The following WWOX variants were observed in gnomAD, a reference collection of about 807,000 sequenced individuals.
WWOX encodes WW domain containing oxidoreductase, also known as WW domain-containing oxidoreductase.
In WWOX, 69 loss-of-function variants were observed where a neutral mutation model predicts 46.2. The observed-to-expected ratio is 1.49, with a 90% confidence interval of 1.23 to 1.82. WWOX has a LOEUF of 1.82. Ranked by LOEUF, WWOX falls within the 40% of genes most tolerant of loss-of-function variation. WWOX has a pLI of 0.00. For missense variants in WWOX, 919 were observed against 542.6 expected (o/e 1.69, Z -6.89); for synonymous variants, 359 against 202.6 (o/e 1.77, Z -6.56).
At chr16:78,495,510 CTTTT>C (rs67618109) in intron 8 of WWOX, among the ~76,000 whole-genome samples, 7 of 42,554 alleles carry the variant, frequency 1.6e-4, no homozygotes, top group Admixed American at 3.5e-4. Flanking sequence ...AGAAAATGGT[CTTTT>C]TTTTTTTTTT....
At chr16:78,366,737 A>C (rs1300730761) in intron 5 of WWOX, among the ~76,000 whole-genome samples, 1 of 152,174 alleles carries the variant, frequency 6.6e-6, no homozygotes, top group South Asian at 2.1e-4. Flanking sequence ...GGCCCTTTAG[A>C]GAAAAGGTTT....
At chr16:78,708,674 C>T (rs1313209709) in intron 8 of WWOX, among the ~76,000 whole-genome samples, 1 of 152,172 alleles carries the variant, frequency 6.6e-6, no homozygotes, top group South Asian at 2.1e-4. Context: ...GATTAGAACC[C>T]AGTGAGTTCA....
intron 5 of WWOX, among the ~76,000 whole-genome samples, chr16:78,368,733 C>T (rs1451173366): frequency 3.9e-5 from 6 of 152,280 alleles, no homozygotes; most frequent in Middle Eastern, 3.4e-3. Flanking sequence ...CTTTGCAACA[C>T]GTGCAGTCTG....
At chr16:79,044,113 A>T (rs979097017) in intron 8 of WWOX, among the ~76,000 whole-genome samples, 2 of 152,218 alleles carry the variant, frequency 1.3e-5, no homozygotes, top group African/African-American at 2.4e-5. Flanking sequence ...ACTGAAATAT[A>T]AGCAAAAGAA....
intron 8 of WWOX, among the ~76,000 whole-genome samples, chr16:78,845,337 C>T (rs2052271035): frequency 6.6e-6 from 1 of 152,110 alleles, no homozygotes; most frequent in African/African-American, 2.4e-5. Context: ...TCCTATCTGT[C>T]TGCATGTAGA....
At chr16:78,618,862 G>A (rs150434812) in intron 8 of WWOX, among the ~76,000 whole-genome samples, 27 of 151,566 alleles carry the variant, frequency 1.8e-4, no homozygotes, top group African/African-American at 5.6e-4. Flanking sequence ...GGCTATACGC[G>A]GACACCTTGG....
chr16:78,714,703 C>T (rs1166206823), intron 8 of WWOX, among the ~76,000 whole-genome samples: 1 of 152,144 alleles, frequency 6.6e-6, no homozygotes, highest in Non-Finnish European at 1.5e-5. Flanking sequence ...GTTTGAGACA[C>T]TGAAGTCCAA....
At chr16:78,672,840 T>C (rs1166666771) in intron 8 of WWOX, among the ~76,000 whole-genome samples, 1 of 152,190 alleles carries the variant, frequency 6.6e-6, no homozygotes, top group African/African-American at 2.4e-5. Flanking sequence ...CTATGGATTT[T>C]CACTAAAATA....
At chr16:78,376,046 C>T (rs1006463972) in intron 5 of WWOX, among the ~76,000 whole-genome samples, 1 of 152,040 alleles carries the variant, frequency 6.6e-6, no homozygotes, top group Non-Finnish European at 1.5e-5. Context: ...GATGGGGTTT[C>T]ACCATCATGG....
At chr16:79,138,442 AGTCTT>A (rs1200556616) in intron 8 of WWOX, among the ~76,000 whole-genome samples, 1 of 152,156 alleles carries the variant, frequency 6.6e-6, no homozygotes, top group East Asian at 1.9e-4. Context: ...TCCTCTATGA[AGTCTT>A]GCCAGACACA....
chr16:78,141,354 C>T (rs529621959), intron 4 of WWOX, among the ~76,000 whole-genome samples: 1 of 150,362 alleles, frequency 6.7e-6, no homozygotes, highest in East Asian at 2.0e-4. Flanking sequence ...TTAAAGGGAA[C>T]AAATAGTGTT....
intron 8 of WWOX, among the ~76,000 whole-genome samples, chr16:78,844,333 G>A (rs1409433285): frequency 1.3e-5 from 2 of 152,122 alleles, no homozygotes; most frequent in Non-Finnish European, 2.9e-5. Context: ...GAAACATGGA[G>A]AAATAAATAC....
At chr16:78,741,672 T>C (rs750554873) in intron 8 of WWOX, among the ~76,000 whole-genome samples, 10 of 152,028 alleles carry the variant, frequency 6.6e-5, no homozygotes, top group African/African-American at 9.7e-5. Context: ...CTGGCCAACA[T>C]GGCAAAACCC....
chr16:78,549,409 A>G (rs1319827638), intron 8 of WWOX, among the ~76,000 whole-genome samples: 1 of 152,114 alleles, frequency 6.6e-6, no homozygotes, highest in African/African-American at 2.4e-5. Flanking sequence ...ACTTTTTTAT[A>G]TTATTCATGG....
At chr16:79,017,459 A>AAAAAG (rs2047440151) in intron 8 of WWOX, 9 of 146,990 alleles carry the variant, frequency 6.1e-5, no homozygotes, top group African/African-American at 2.1e-4. Flanking sequence ...AAAAAAAAAA[A>AAAAAG]AAAGAAAGAA....
At chr16:79,080,178 C>T (rs906346162) in intron 8 of WWOX, among the ~76,000 whole-genome samples, 2 of 152,178 alleles carry the variant, frequency 1.3e-5, no homozygotes, top group African/African-American at 4.8e-5. Flanking sequence ...CATCAGGATA[C>T]CAGAGAATCC....
intron 8 of WWOX, among the ~76,000 whole-genome samples, chr16:78,582,089 T>A (rs926915642): frequency 5.3e-5 from 8 of 152,232 alleles, no homozygotes; most frequent in African/African-American, 1.9e-4. Flanking sequence ...GCATCTTTGG[T>A]TTCTCTGCTC....
intron 8 of WWOX, among the ~76,000 whole-genome samples, chr16:78,709,727 A>C (rs139628457): frequency 7.4e-6 from 1 of 134,808 alleles, no homozygotes; most frequent in East Asian, 2.1e-4. Context: ...CCAAAGCAAC[A>C]GTAAGCATTT....
chr16:78,743,352 C>T (rs537199374), intron 8 of WWOX, among the ~76,000 whole-genome samples: 1 of 152,112 alleles, frequency 6.6e-6, no homozygotes, highest in Non-Finnish European at 1.5e-5. Context: ...TTTCTTAACT[C>T]ATTGATTCTC....
Sources: gnomAD v4.1 joint callset for allele counts (sites outside exome capture counted in the v4.1 genomes callset) on GRCh38, gnomAD v4.1.1 for gene constraint, MANE v1.5 for transcripts, NCBI Gene and HGNC (gene_info 2026-07-23, HGNC 2026-07-21) for gene names.